The following GARIN5B variants were observed in gnomAD, a reference collection of about 807,000 sequenced individuals.
GARIN5B encodes the protein Golgi-associated RAB2 interactor protein 5B.
the GARIN5B span, among the ~76,000 whole-genome samples, chr19:55,360,307 C>G: frequency 7.1e-6 from 1 of 141,762 alleles, no homozygotes; most frequent in Non-Finnish European, 1.5e-5. Flanking sequence ...AGTCCAGGCC[C>G]CAGCTCCTCC....
At chr19:55,359,522 G>A in the GARIN5B span, 3,082 of 1,551,310 alleles carry the variant, frequency 2.0e-3, 52 homozygotes, top group African/African-American at 0.038. Context: ...GGCCTTCCGG[G>A]GAGGAGCTGA....
the GARIN5B span, chr19:55,362,717 C>T: frequency 2.6e-6 from 4 of 1,535,004 alleles, no homozygotes; most frequent in South Asian, 1.2e-5. Flanking sequence ...AACACTGGGC[C>T]CCCTTGATGG....
the GARIN5B span, chr19:55,358,318 G>A: frequency 6.5e-7 from 1 of 1,541,526 alleles, no homozygotes; most frequent in Non-Finnish European, 8.8e-7. Flanking sequence ...ACACCCTCTT[G>A]GGCTGCTGGG....
chr19:55,359,630 G>A, the GARIN5B span: 8 of 1,550,686 alleles, frequency 5.2e-6, no homozygotes, highest in South Asian at 2.4e-5. Context: ...AACAAGGAAC[G>A]GTGCCTTACA....
the GARIN5B span, chr19:55,358,834 C>A: frequency 6.5e-7 from 1 of 1,546,714 alleles, no homozygotes; most frequent in Non-Finnish European, 8.7e-7. Flanking sequence ...CCTCGACGGC[C>A]AGTTCCTTGG....
At chr19:55,356,396 G>A in the GARIN5B span, among the ~76,000 whole-genome samples, 6 of 149,966 alleles carry the variant, frequency 4.0e-5, no homozygotes, top group Non-Finnish European at 5.9e-5. Flanking sequence ...TTTTTGAGAC[G>A]GAGTCTCGCT....
the GARIN5B span, chr19:55,361,016 T>C: frequency 6.4e-7 from 1 of 1,551,084 alleles, no homozygotes; most frequent in Non-Finnish European, 8.7e-7. Context: ...TCTGCAGGTT[T>C]CTTCCTGACG....
At chr19:55,361,639 CCAGGG>C in the GARIN5B span, among the ~76,000 whole-genome samples, 958 of 20,658 alleles carry the variant, frequency 0.046, 5 homozygotes, top group East Asian at 0.069. Flanking sequence ...ACCCAGGAGT[CCAGGG>C]CCCCAGCCTC....
At chr19:55,355,418 G>A in the GARIN5B span, 23 of 1,484,640 alleles carry the variant, frequency 1.5e-5, no homozygotes, top group Non-Finnish European at 2.1e-5. Flanking sequence ...AGGGCTTTAA[G>A]AGCTGCAGAT....
chr19:55,361,187 T>C, the GARIN5B span: 1 of 1,551,340 alleles, frequency 6.4e-7, no homozygotes, highest in Non-Finnish European at 8.7e-7. Context: ...GGCCTTCCTC[T>C]GTCTCTGAGC....
At chr19:55,358,827 C>T in the GARIN5B span, 6 of 1,546,558 alleles carry the variant, frequency 3.9e-6, no homozygotes, top group Middle Eastern at 1.7e-4. Flanking sequence ...GAGGGGCCCT[C>T]GACGGCCAGT....
At chr19:55,359,674 G>C in the GARIN5B span, 4 of 1,551,604 alleles carry the variant, frequency 2.6e-6, no homozygotes, top group Non-Finnish European at 3.5e-6. Flanking sequence ...CCTTCTGGCA[G>C]GGTGGTGGCC....
At chr19:55,362,806 C>A in the GARIN5B span, 1 of 1,487,786 alleles carries the variant, frequency 6.7e-7, no homozygotes. Flanking sequence ...CCCTCCTGAT[C>A]GTCCCCCACA....
the GARIN5B span, chr19:55,359,579 C>A: frequency 6.4e-7 from 1 of 1,550,984 alleles, no homozygotes; most frequent in Non-Finnish European, 8.7e-7. Context: ...TGGGGGTTTC[C>A]ACGATGAAGC....
the GARIN5B span, chr19:55,363,031 C>A: frequency 3.9e-5 from 58 of 1,494,686 alleles, no homozygotes; most frequent in Non-Finnish European, 4.8e-5. The surrounding 1 kb of genome is among the most constrained non-coding windows in gnomAD (Gnocchi z 4.0). Flanking sequence ...TGCCCTGGAG[C>A]GGCTCAAGGC....
the GARIN5B span, chr19:55,359,801 G>A: frequency 1.1e-5 from 17 of 1,551,260 alleles, no homozygotes; most frequent in East Asian, 7.3e-5. Context: ...GGCAGCAGAC[G>A]ACAAAGTGCT....
chr19:55,358,929 G>A, the GARIN5B span: 2 of 1,551,130 alleles, frequency 1.3e-6, no homozygotes, highest in Admixed American at 2.0e-5. Flanking sequence ...TTCGCCCAGT[G>A]GGCCCAGTCC....
chr19:55,359,786 C>T, the GARIN5B span: 1 of 1,551,342 alleles, frequency 6.4e-7, no homozygotes, highest in Non-Finnish European at 8.7e-7. Context: ...GGGAGCCAGA[C>T]CGGAGGCAGC....
chr19:55,359,290 C>T, the GARIN5B span: 2 of 1,533,922 alleles, frequency 1.3e-6, no homozygotes, highest in Non-Finnish European at 1.8e-6. Context: ...GAGATTTCTT[C>T]TTTGGAGCAG....
Sources: gnomAD v4.1 joint callset for allele counts (sites outside exome capture counted in the v4.1 genomes callset) on GRCh38, gnomAD v4.1.1 for gene constraint, Gnocchi (gnomAD v3.1) non-coding constraint, MANE v1.5 for transcripts, NCBI Gene and HGNC (gene_info 2026-07-23, HGNC 2026-07-21) for gene names.